CACNG7: variants seen among roughly 807,000 people sequenced by gnomAD.
The protein encoded by CACNG7 is calcium voltage-gated channel auxiliary subunit gamma 7, also known as voltage-dependent calcium channel gamma-7 subunit.
CACNG7 carries 9 observed loss-of-function variants against 26.3 expected under a neutral mutation model. That is an observed-to-expected ratio of 0.34 (90% CI 0.21 to 0.60). CACNG7 has a LOEUF of 0.60. Among genes scored for constraint, CACNG7 ranks in the 20% least tolerant of loss-of-function variants. The pLI is 0.81. For missense variants in CACNG7, 297 were observed against 380.4 expected (o/e 0.78, Z 1.82); for synonymous variants, 170 against 157.0 (o/e 1.08, Z -0.62).
intron 4 of CACNG7, among the ~76,000 whole-genome samples, chr19:53,930,931 G>T (rs1287706696): frequency 6.6e-6 from 1 of 152,140 alleles, no homozygotes; most frequent in African/African-American, 2.4e-5. Context: ...AAGGCTAAGG[G>T]TCGGGTGCTG....
At chr19:53,930,939 C>G (rs765815242) in intron 4 of CACNG7, among the ~76,000 whole-genome samples, 2 of 152,104 alleles carry the variant, frequency 1.3e-5, no homozygotes, top group Non-Finnish European at 2.9e-5. Context: ...GGGTCGGGTG[C>G]TGTGGCCTCA....
At chr19:53,924,202 C>T (rs2068999384) in intron 4 of CACNG7, among the ~76,000 whole-genome samples, 1 of 147,720 alleles carries the variant, frequency 6.8e-6, no homozygotes. Flanking sequence ...GTGGAGTTGT[C>T]CCAGGTCTGG....
chr19:53,935,029 G>A lies in CACNG7; in HGVS notation c.425-6441G>A, dbSNP rs766265683. ...TATATAGATCTATATACACATATAT[G>A]TATACACATATTACATATACATATA... is the stretch of plus-strand genomic sequence containing the variant. On this transcript the variant is annotated intron_variant, in intron 4 of 5. Transcript: ENST00000391767. Among the ~76,000 whole-genome samples, 108 of 151,484 alleles carry A rather than the reference G, an allele frequency of 7.1e-4. 2 individuals are homozygous for A. The highest frequency in any genetic ancestry group is 3.4e-3 in the Middle Eastern group (1 of 292).
chr19:53,925,776 G>C (rs1271563652), intron 4 of CACNG7, among the ~76,000 whole-genome samples: 1 of 152,254 alleles, frequency 6.6e-6, no homozygotes, highest in Non-Finnish European at 1.5e-5. Context: ...GAGGATGCTT[G>C]TGTAGTGGCC....
chr19:53,916,337 A>G (rs1298172843), intron 4 of CACNG7, among the ~76,000 whole-genome samples: 1 of 149,602 alleles, frequency 6.7e-6, no homozygotes, highest in Non-Finnish European at 1.5e-5. Flanking sequence ...ACTTGATAAC[A>G]TGGGGGTACC....
In CACNG7 at chr19:53,942,564, G is replaced by GCCCCT. The variant is rs2069145939; in HGVS notation, c.*274_*278dup. Reference sequence around the variant, plus strand: ...TTCGTTGGCCCGCCCCTTTCCTCTGGCCCCTCCTCTCCAAGAAAATTAGCT... The same window carrying GCCCCT: ...TTCGTTGGCCCGCCCCTTTCCTCTGGCCCCTCCCCTCCTCTCCAAGAAAATTAGCT... On this transcript the variant is annotated 3_prime_UTR_variant, in exon 6 of 6. Transcript: ENST00000391767. This position sits in a 1 kb window ranked among gnomAD's most constrained non-coding sequence, Gnocchi z 5.9. 7.4e-7 allele frequency: 1 copy of GCCCCT among 1,351,214 alleles called. No homozygotes were observed. The highest frequency in any genetic ancestry group is 3.3e-5 in the Admixed American group (1 of 30,118). 83.7% of individuals were successfully genotyped at this position (1,351,214 alleles called of 1,614,324 possible).
intron 2 of CACNG7, among the ~76,000 whole-genome samples, chr19:53,913,438 A>G (rs1286588277): frequency 6.6e-6 from 1 of 152,122 alleles, no homozygotes; most frequent in East Asian, 1.9e-4. Context: ...CCTGGCCGAC[A>G]TGGTGAAACC....
intron 4 of CACNG7, among the ~76,000 whole-genome samples, chr19:53,916,529 C>A (rs916440335): frequency 1.7e-5 from 2 of 118,572 alleles, no homozygotes; most frequent in African/African-American, 7.9e-5. Context: ...GCTCTTGTTG[C>A]CCAGGCTGGA....
At chr19:53,924,771 G>A (rs2069009559) in intron 4 of CACNG7, among the ~76,000 whole-genome samples, 1 of 138,328 alleles carries the variant, frequency 7.2e-6, no homozygotes, top group Non-Finnish European at 1.6e-5. Context: ...CCTAGGGCTG[G>A]TCATTGGTGG....
chr19:53,933,752 T>C (rs971655271), intron 4 of CACNG7, among the ~76,000 whole-genome samples: 5 of 151,794 alleles, frequency 3.3e-5, no homozygotes, highest in African/African-American at 1.2e-4. Context: ...ACAGATTGTC[T>C]GATTGTCTCT....
At chr19:53,938,592 G>A (rs562251059) in intron 4 of CACNG7, among the ~76,000 whole-genome samples, 85 of 152,248 alleles carry the variant, frequency 5.6e-4, no homozygotes, top group Non-Finnish European at 1.1e-3. Context: ...AAACAAATGG[G>A]TGTGGCTGTG....
chr19:53,921,345 G>C (rs2068948897), intron 4 of CACNG7, among the ~76,000 whole-genome samples: 1 of 137,840 alleles, frequency 7.3e-6, no homozygotes, highest in African/African-American at 3.0e-5. Flanking sequence ...CTTGCCCCAG[G>C]CTGGTCATTG....
At chr19:53,919,867 A>G (rs2068926821) in intron 4 of CACNG7, among the ~76,000 whole-genome samples, 1 of 119,398 alleles carries the variant, frequency 8.4e-6, no homozygotes, top group Non-Finnish European at 1.7e-5. Context: ...TCATTGGTGG[A>G]CTTGCCCCAG....
intron 4 of CACNG7, among the ~76,000 whole-genome samples, chr19:53,929,126 A>AC (rs1398406221): frequency 6.6e-6 from 1 of 151,288 alleles, no homozygotes; most frequent in African/African-American, 2.4e-5. Context: ...AAAAAACAAA[A>AC]AAAAAAAAAA....
rs949470635 is a variant in CACNG7 at position 53,943,787 on chromosome 19, A to T, written c.*1494A>T. 4.6e-5 allele frequency: 7 copies of T among 152,132 alleles called. No individual in the cohort carries two copies. Among genetic ancestry groups the T allele is most frequent in the African/African-American group, 1.7e-4 (7 of 41,430 alleles). 9.4% of individuals were successfully genotyped at this position (152,132 alleles called of 1,614,324 possible). ...TCTGGGTCTCTGCTTCTAGGGTTGC[A>T]GGCCTAAAGTACTGCAGAATGACGT... On this transcript the variant is annotated 3_prime_UTR_variant, in exon 6 of 6. Transcript: ENST00000391767.
rs953184779 is a variant in CACNG7, at chr19:53,909,693, C to A, written c.-30+176C>A. 5.3e-5 allele frequency among the ~76,000 whole-genome samples: 8 copies of A among 152,118 alleles called. No homozygotes were observed. The highest frequency in any genetic ancestry group is 1.9e-4 in the African/African-American group (8 of 41,446). Reference sequence around the variant, plus strand: ...GCAGGGACACCTGGGCCTGGCGATCCCGGAGGACGGGGTCCGAGGGTCCCG... The same window carrying A: ...GCAGGGACACCTGGGCCTGGCGATCACGGAGGACGGGGTCCGAGGGTCCCG... On this transcript the variant is annotated intron_variant, in intron 1 of 5. Transcript: ENST00000391767. This position sits in a 1 kb window ranked among gnomAD's most constrained non-coding sequence, Gnocchi z 5.1.
intron 2 of CACNG7, among the ~76,000 whole-genome samples, chr19:53,914,290 A>AAAAG (rs370226310): frequency 0.071 from 7,164 of 101,024 alleles, 748 homozygotes; most frequent in African/African-American, 0.22. Context: ...AAAAAAAAGA[A>AAAAG]AAAAAGAAAA....
At chr19:53,921,741 G>C (rs1402584577) in intron 4 of CACNG7, among the ~76,000 whole-genome samples, 1 of 65,338 alleles carries the variant, frequency 1.5e-5, no homozygotes, top group Non-Finnish European at 2.7e-5. Context: ...TGGTGGAGTT[G>C]CCCCAGGTCT....
chr19:53,915,252 A>C, intron 3 of CACNG7, 113 bp from the exon 4 acceptor site: 3 of 740,404 alleles, frequency 4.1e-6, no homozygotes, highest in Non-Finnish European at 6.9e-6. Context: ...TCAGTAAGGA[A>C]AGGGAGGAGC....
Sources: gnomAD v4.1 joint callset for allele counts (sites outside exome capture counted in the v4.1 genomes callset) on GRCh38, gnomAD v4.1.1 for gene constraint, Gnocchi (gnomAD v3.1) non-coding constraint, MANE v1.5 for transcripts, NCBI Gene and HGNC (gene_info 2026-07-23, HGNC 2026-07-21) for gene names.